GATA4: variants seen among roughly 807,000 people sequenced by gnomAD.
The protein encoded by GATA4 is transcription factor GATA-4.
GATA4 carries 7 observed loss-of-function variants against 37.9 expected under a neutral mutation model. That is an observed-to-expected ratio of 0.18 (90% CI 0.11 to 0.35). The LOEUF is 0.35. Ranked by LOEUF, GATA4 falls within the 10% of genes least tolerant of loss-of-function variation. The pLI is 1.00. For synonymous variants in GATA4, 372 were observed against 292.6 expected, an observed-to-expected ratio of 1.27 and a Z score of -2.77; for missense variants, 647 against 653.0, an observed-to-expected ratio of 0.99 and a Z score of 0.10.
chr8:11,703,431 A>T (rs886430969), upstream of GATA4, among the ~76,000 whole-genome samples: 52 of 151,702 alleles, frequency 3.4e-4, no homozygotes, highest in Middle Eastern at 3.4e-3. Flanking sequence ...AGCCCCCTCC[A>T]TGAAGAAGCT....
At position 11,708,937 on chromosome 8, in the gene GATA4, G is replaced by A. The variant is rs1186366359; in HGVS notation, c.616+9G>A. 3.3e-6 allele frequency: 5 copies of A among 1,524,042 alleles called. No individual in the cohort carries two copies. Among genetic ancestry groups the A allele is most frequent in the Middle Eastern group, 2.3e-4 (1 of 4,312 alleles). The allele number at this position is 1,524,042 out of a possible 1,614,324, so 94.4% of individuals were successfully genotyped here. ...CCGACACCCCAATCTCGGTGAGTAG[G>A]AGCGCGAGGGCTGGGGCGCGTGAGG... is the stretch of plus-strand genomic sequence containing the variant. On this transcript the variant is annotated intron_variant, in intron 2 of 6. Coordinates refer to ENST00000532059, the MANE Select transcript of GATA4 (RefSeq NM_001308093.3). The surrounding 1 kb of genome is among the most constrained non-coding windows in gnomAD (Gnocchi z 6.7).
intron 6 of GATA4, among the ~76,000 whole-genome samples, chr8:11,757,709 G>A (rs752915909): frequency 6.6e-6 from 1 of 152,212 alleles, no homozygotes; most frequent in African/African-American, 2.4e-5. Context: ...ACGCCCTGGG[G>A]CAGCCCATGT....
At chr8:11,683,068 C>G (rs1423205805) in intron 1 of GATA4, 1 of 985,200 alleles carries the variant, frequency 1.0e-6, no homozygotes, top group East Asian at 1.1e-4. Context: ...GTCTCTTACC[C>G]CCTAGGTTTT....
rs1481490957 is a variant in GATA4 at position 11,759,584 on chromosome 8, AAC to A, written c.*1113_*1114del. On this transcript the variant is annotated 3_prime_UTR_variant, in exon 7 of 7. Transcript: ENST00000532059. ...CTGCAACACGAATTCGAAGCAAACA[AAC>A]ACAACACAACAGAATTCCTGGAAAG... 6.6e-6 allele frequency: 1 copy of A among 152,282 alleles called. No individual in the cohort carries two copies. Among genetic ancestry groups the A allele is most frequent in the East Asian group, 1.9e-4 (1 of 5,200 alleles). 9.4% of individuals were successfully genotyped at this position (152,282 alleles called of 1,614,324 possible). A position where few individuals can be genotyped will look rare whatever the true frequency, so the allele number is the denominator to read the frequency against.
intron 1 of GATA4, chr8:11,681,322 G>T: frequency 2.0e-6 from 2 of 985,320 alleles, no homozygotes; most frequent in Non-Finnish European, 2.4e-6. Context: ...ACCACTTCTC[G>T]ACCTGCGCCC....
At chr8:11,679,624 C>T (rs1328295617) in intron 1 of GATA4, among the ~76,000 whole-genome samples, 1 of 152,234 alleles carries the variant, frequency 6.6e-6, no homozygotes, top group Non-Finnish European at 1.5e-5. Context: ...CCCCACCTGC[C>T]CGACCCCAGG....
Position 11,714,238 on chromosome 8 carries a change from C to T in GATA4, c.616+5310C>T, listed in dbSNP as rs183561023. Among the ~76,000 whole-genome samples the T allele has an allele frequency of 3.3e-5, 5 of 152,166 alleles. No homozygotes were observed. The East Asian group carries it at 7.7e-4, about 23-fold the overall frequency. ...AAAAAGTTTGAATCATTTTTAGAGT[C>T]GATAAAAATAACAACACAATGAAAT... On this transcript the variant is annotated intron_variant, in intron 2 of 6. Coordinates refer to ENST00000532059, the MANE Select transcript of GATA4 (RefSeq NM_001308093.3).
At chr8:11,679,477 G>C (rs960247753) in intron 1 of GATA4, among the ~76,000 whole-genome samples, 1 of 152,156 alleles carries the variant, frequency 6.6e-6, no homozygotes, top group African/African-American at 2.4e-5. Flanking sequence ...CTTGGGCCGA[G>C]GGCCGGGAGG....
At chr8:11,693,705 T>C (rs1799414049) in intron 1 of GATA4, among the ~76,000 whole-genome samples, 1 of 152,038 alleles carries the variant, frequency 6.6e-6, no homozygotes, top group African/African-American at 2.4e-5. Context: ...ATGGAAACTA[T>C]ACTGGGGCCT....
intron 2 of GATA4, among the ~76,000 whole-genome samples, chr8:11,739,749 G>GGAGTTTCTGTCGTGTGCA (rs1563220414): frequency 8.7e-6 from 1 of 115,532 alleles, no homozygotes; most frequent in Non-Finnish European, 1.8e-5. Flanking sequence ...TGTCGTGTGC[G>GGAGTTTCTGTCGTGTGCA]GAGCTTCTGT....
Position 11,750,240 on chromosome 8 carries a change from C to T in GATA4, c.912+4C>T, listed in dbSNP as rs374161282. On this transcript the variant is annotated splice_donor_region_variant and intron_variant, in intron 4 of 6. Coordinates refer to ENST00000532059, the MANE Select transcript of GATA4 (RefSeq NM_001308093.3). The stretch of plus-strand genomic sequence containing the variant: ...CCTCTACATGAAGCTCCACGGGGTA[C>T]GTGGGTCCTGCGCCCATGCGGCATC... The T allele has an allele frequency of 8.7e-6, 14 of 1,612,274 alleles. No homozygotes were observed. Among genetic ancestry groups the T allele is most frequent in the Middle Eastern group, 1.6e-4 (1 of 6,084 alleles).
chr8:11,684,064 C>T (rs1799063016), intron 1 of GATA4, among the ~76,000 whole-genome samples: 1 of 152,260 alleles, frequency 6.6e-6, no homozygotes, highest in South Asian at 2.1e-4. Flanking sequence ...TGTCCTCAGC[C>T]ATAACTGGCT....
chr8:11,722,365 T>C (rs191929701), intron 2 of GATA4, among the ~76,000 whole-genome samples: 2 of 152,354 alleles, frequency 1.3e-5, no homozygotes, highest in African/African-American at 4.8e-5. Flanking sequence ...ACGAGGACTC[T>C]TTTATTTTAA....
At chr8:11,733,597 G>C (rs1171472717) in intron 2 of GATA4, among the ~76,000 whole-genome samples, 1 of 152,242 alleles carries the variant, frequency 6.6e-6, no homozygotes, top group African/African-American at 2.4e-5. Context: ...TTATGGAGTA[G>C]AATGTAAGTG....
In GATA4 at chr8:11,680,767, C is replaced by T. The variant is rs558604571; in HGVS notation, c.-274+3704C>T. 4.7e-5 allele frequency: 46 copies of T among 985,378 alleles called. No individual in the cohort carries two copies. The African/African-American group carries it at 7.1e-4, about 15-fold the overall frequency. 61.0% of individuals were successfully genotyped at this position (985,378 alleles called of 1,614,324 possible). On this transcript the variant is annotated intron_variant, in intron 1 of 6. Coordinates refer to the GATA4 transcript ENST00000528712. ...GAGCCCGGCTTCTGCGCACCCCTCT[C>T]CAGATGCGAGGTGCTCACCCGCCCC...
chr8:11,706,578 T>C (rs933897815), intron 1 of GATA4, among the ~76,000 whole-genome samples: 27 of 152,384 alleles, frequency 1.8e-4, no homozygotes, highest in African/African-American at 5.0e-4. Flanking sequence ...CTAAGTAATT[T>C]GTCTAAAGGT....
intron 1 of GATA4, among the ~76,000 whole-genome samples, chr8:11,682,280 A>C (rs1338202942): frequency 1.3e-5 from 2 of 152,216 alleles, no homozygotes; most frequent in African/African-American, 4.8e-5. Flanking sequence ...ACTAACTCTA[A>C]AGATTGAACA....
At position 11,727,346 on chromosome 8, in the gene GATA4, C is replaced by T. The variant is rs189475984; in HGVS notation, c.616+18418C>T. 2.7e-3 allele frequency among the ~76,000 whole-genome samples: 414 copies of T among 152,232 alleles called. 2 individuals are homozygous for T. Among genetic ancestry groups the T allele is most frequent in the African/African-American group, 9.5e-3 (394 of 41,520 alleles). On this transcript the variant is annotated intron_variant, in intron 2 of 6. Coordinates refer to ENST00000532059, the MANE Select transcript of GATA4 (RefSeq NM_001308093.3). ...AGGAAGAGGAGAATGGACCCGCCTG[C>T]TGGGAAGGGGGGAGAGCTGGCCATA...
chr8:11,737,535 A>G (rs532559535), intron 2 of GATA4, among the ~76,000 whole-genome samples: 1 of 152,352 alleles, frequency 6.6e-6, no homozygotes, highest in South Asian at 2.1e-4. Context: ...CTCCATTGCA[A>G]TCTTCCTAAT....
Sources: allele counts gnomAD v4.1 joint callset (sites outside exome capture counted in the v4.1 genomes callset), GRCh38; gene constraint gnomAD v4.1.1; non-coding constraint Gnocchi (gnomAD v3.1); transcripts MANE v1.5; gene names NCBI Gene and HGNC (gene_info 2026-07-23, HGNC 2026-07-21).